The following HPS1 variants were observed in gnomAD, a reference collection of about 807,000 sequenced individuals.
HPS1 encodes HPS1 biogenesis of lysosomal organelles complex 3 subunit 1.
A neutral mutation model predicts 90.6 loss-of-function variants in HPS1; 59 were observed. The ratio of observed to expected loss-of-function variants is 0.65; its 90% CI spans 0.53 to 0.81. The LOEUF (loss-of-function observed/expected upper bound fraction) is 0.81, where lower values mean the gene tolerates loss of function less well. HPS1 is among the 30% of genes least tolerant of loss of function. HPS1 has a pLI of 0.00. For synonymous variants in HPS1, 388 were observed against 384.4 expected (o/e 1.01, Z -0.11); for missense variants, 849 against 896.7 (o/e 0.95, Z 0.68).
At chr10:98,418,794 C>A (rs1051451744) in intron 18 of HPS1, among the ~76,000 whole-genome samples, 2 of 152,240 alleles carry the variant, frequency 1.3e-5, no homozygotes, top group Non-Finnish European at 2.9e-5. Flanking sequence ...GTGTGGCTGG[C>A]ATTCAAACCT....
intron 3 of HPS1, among the ~76,000 whole-genome samples, chr10:98,438,200 C>T (rs2136282151): frequency 6.6e-6 from 1 of 152,198 alleles, no homozygotes; most frequent in East Asian, 1.9e-4. Context: ...ATTGGTACCA[C>T]AGAGAGTGAG....
chr10:98,423,290 G>A (rs1373185599), intron 16 of HPS1, among the ~76,000 whole-genome samples: 2 of 66,200 alleles, frequency 3.0e-5, no homozygotes, highest in South Asian at 5.9e-4. Context: ...CCCCCCCCCC[G>A]GTCCCCACCC....
chr10:98,435,505 G>T lies in HPS1; in HGVS notation c.256-91C>A. 6.2e-7 allele frequency: 1 copy of T among 1,609,788 alleles called. No individual in the cohort carries two copies. The highest frequency in any genetic ancestry group is 2.2e-5 in the East Asian group (1 of 44,856). On this transcript the variant is annotated intron_variant, in intron 4 of 19. Transcript: ENST00000361490. This position sits in a 1 kb window ranked among gnomAD's most constrained non-coding sequence, Gnocchi z 4.3. The stretch of plus-strand genomic sequence containing the variant: ...TGCAGACAAGCCAGGGGAGGCTCGG[G>T]TCCCAGGCGGGTTTGATAAGATGCC...
chr10:98,424,332 C>T lies in HPS1; in HGVS notation c.1378G>A (p.Glu460Lys), dbSNP rs1307850362. 6.2e-7 allele frequency: 1 copy of T among 1,612,856 alleles called. No individual in the cohort carries two copies. Among genetic ancestry groups the T allele is most frequent in the African/African-American group, 1.3e-5 (1 of 74,892 alleles). The change falls in exon 14 of 20, where the codon GAG becomes AAG. Residue 460 changes from glutamate to lysine, a missense_variant. By Grantham distance (56) the Glu-to-Lys change is moderately conservative. Transcript: ENST00000361490. ...EFKAKAFSKS[E>K]PGSSWELLQA... Reference sequence around the variant, plus strand: ...ACTCACTCCCAGGAGGATCCGGGCTCACTTTTGGAGAAAGCCTTGGCCTTA... The same window carrying T: ...ACTCACTCCCAGGAGGATCCGGGCTTACTTTTGGAGAAAGCCTTGGCCTTA...
intron 17 of HPS1, chr10:98,420,484 T>C (rs1844711683): frequency 2.8e-6 from 1 of 355,458 alleles, no homozygotes; most frequent in Non-Finnish European, 5.5e-6. Flanking sequence ...GAGGCTGAGG[T>C]AGGTGGATTG....
At position 98,443,244 on chromosome 10, in the gene HPS1, C is replaced by A. The variant is rs1441038767; in HGVS notation, c.1-4G>T. On this transcript the variant is annotated splice_polypyrimidine_tract_variant and splice_region_variant and intron_variant, in intron 2 of 19. Transcript: ENST00000361490. ...TGGCCACCAAGACGCACTTCATCTG[C>A]CAGGGAAAGGCAAGGTCAAGGTCAG... 44 of 1,610,708 alleles carry A rather than the reference C, an allele frequency of 2.7e-5. No individual in the cohort carries two copies. The highest frequency in any genetic ancestry group is 3.3e-5 in the Non-Finnish European group (39 of 1,177,056).
downstream of HPS1, among the ~76,000 whole-genome samples, chr10:98,415,511 G>T (rs1564817254): frequency 6.6e-6 from 1 of 152,230 alleles, no homozygotes; most frequent in African/African-American, 2.4e-5. Context: ...GAGGCAGAGT[G>T]GAGCTCGAAA....
Position 98,445,691 on chromosome 10 carries a change from C to A in HPS1, c.-105-287G>T, listed in dbSNP as rs939031837. 2.0e-5 allele frequency among the ~76,000 whole-genome samples: 3 copies of A among 152,104 alleles called. No individual in the cohort carries two copies. Among genetic ancestry groups the A allele is most frequent in the African/African-American group, 7.2e-5 (3 of 41,416 alleles). On this transcript the variant is annotated intron_variant, in intron 1 of 19. Transcript: ENST00000361490. The surrounding 1 kb of genome is among the most constrained non-coding windows in gnomAD (Gnocchi z 4.5). ...ACTTCTGCGGGTCACTCAGAGCTCC[C>A]CAAGCAGCCCCAGGGAGCTTGCTAG...
intron 3 of HPS1, among the ~76,000 whole-genome samples, chr10:98,441,532 A>AT (rs1318357637): frequency 6.6e-6 from 1 of 152,244 alleles, no homozygotes; most frequent in Non-Finnish European, 1.5e-5. Flanking sequence ...TCGAGTTCTA[A>AT]TACTTCTGCT....
chr10:98,429,727 G>A (rs1846124245), intron 9 of HPS1, 64 bp downstream of exon 9: 3 of 1,613,406 alleles, frequency 1.9e-6, no homozygotes, highest in Admixed American at 3.3e-5. Context: ...GATGGGAAAG[G>A]CCTGGTCGCC....
chr10:98,439,441 C>A (rs1023903272), intron 3 of HPS1, among the ~76,000 whole-genome samples: 1 of 152,156 alleles, frequency 6.6e-6, no homozygotes, highest in Non-Finnish European at 1.5e-5. Flanking sequence ...GTGACCTGGA[C>A]GTGGATAGAG....
At chr10:98,420,257 G>A (rs1844681993) in intron 17 of HPS1, 99 bp from the exon 18 acceptor site, 9 of 850,876 alleles carry the variant, frequency 1.1e-5, no homozygotes, top group African/African-American at 3.3e-5. Context: ...GAGAAGCTCC[G>A]TGAGTGCCAG....
Position 98,418,214 on chromosome 10 carries a change from T to A in HPS1, c.1901A>T (p.Asp634Val). The change falls in exon 19 of 20, where the codon GAC becomes GTC. Residue 634 changes from aspartate to valine, a missense_variant. Asp to Val is a radical substitution (Grantham distance 152). Transcript: ENST00000361490. ...QMIEVPVLSD[D>V]SVPIGMLGGD... ...TCCCAGCATGCCGATAGGCACTGAG[T>A]CGTCGGAGAGGACGGGCACCTCGAT... is the stretch of plus-strand genomic sequence containing the variant. 6.2e-7 allele frequency: 1 copy of A among 1,610,798 alleles called. No individual in the cohort carries two copies.
intron 17 of HPS1, among the ~76,000 whole-genome samples, chr10:98,420,908 G>C (rs1472184199): frequency 1.3e-5 from 2 of 152,144 alleles, no homozygotes; most frequent in Non-Finnish European, 2.9e-5. Context: ...GACCCTGTAG[G>C]ATGTGCTGAG....
intron 3 of HPS1, among the ~76,000 whole-genome samples, chr10:98,441,152 G>T (rs1425559299): frequency 3.3e-5 from 5 of 151,818 alleles, no homozygotes; most frequent in African/African-American, 1.2e-4. Context: ...CCATGCTGCA[G>T]AAATGTAAGA....
rs1260176203 is a variant in HPS1, at chr10:98,429,669, G to A, written c.868-27C>T. The A allele has an allele frequency of 2.5e-6, 4 of 1,613,990 alleles. No homozygotes were observed. The Admixed American group carries it at 6.7e-5, about 27-fold the overall frequency. On this transcript the variant is annotated intron_variant, in intron 9 of 19. Transcript: ENST00000361490. ...TGGAATGGAGAAGGTGGCTCAGGTT[G>A]AGAGGCTCTCCCAGCTGGCTCAACC... is the stretch of plus-strand genomic sequence containing the variant.
intron 13 of HPS1, among the ~76,000 whole-genome samples, chr10:98,425,026 T>G (rs1315713845): frequency 6.6e-6 from 1 of 152,206 alleles, no homozygotes; most frequent in Non-Finnish European, 1.5e-5. Flanking sequence ...CACGGGGTGA[T>G]GGACTGTTTC....
intron 17 of HPS1, among the ~76,000 whole-genome samples, chr10:98,421,047 GGTGAA>G (rs1844786621): frequency 6.6e-6 from 1 of 152,226 alleles, no homozygotes; most frequent in Middle Eastern, 3.2e-3. Context: ...CAGTGCTGCC[GGTGAA>G]GTGCCCCAGG....
chr10:98,416,431 G>A lies in HPS1; in HGVS notation c.*1133C>T, dbSNP rs1844125766. 6.6e-6 allele frequency: 1 copy of A among 152,306 alleles called. No homozygotes were observed. Among genetic ancestry groups the A allele is most frequent in the Non-Finnish European group, 1.5e-5 (1 of 68,044 alleles). 9.4% of individuals were successfully genotyped at this position (152,306 alleles called of 1,614,324 possible). On this transcript the variant is annotated 3_prime_UTR_variant, in exon 20 of 20. Coordinates refer to ENST00000361490, the MANE Select transcript of HPS1 (RefSeq NM_000195.5). ...TTGCCATTCCATCAGATGATGTTAA[G>A]GAGGAACACAGATCCAGTCACCTGA...
Sources: gnomAD v4.1 joint callset for allele counts (sites outside exome capture counted in the v4.1 genomes callset) on GRCh38, gnomAD v4.1.1 for gene constraint, Gnocchi (gnomAD v3.1) non-coding constraint, MANE v1.5 for transcripts, NCBI Gene and HGNC (gene_info 2026-07-23, HGNC 2026-07-21) for gene names.